Variants in LPAR1 observed in about 807,000 individuals in gnomAD.
LPAR1 encodes the protein lysophosphatidic acid receptor 1.
A neutral mutation model predicts 23.8 loss-of-function variants in LPAR1; 5 were observed. The ratio of observed to expected loss-of-function variants is 0.21; its 90% CI spans 0.11 to 0.44. The LOEUF (loss-of-function observed/expected upper bound fraction) is 0.44, where lower values mean the gene tolerates loss of function less well. LPAR1 is among the 20% of genes least tolerant of loss of function. The pLI is 0.99. For synonymous variants in LPAR1, 160 were observed against 164.7 expected, an observed-to-expected ratio of 0.97 and a Z score of 0.22; for missense variants, 311 against 482.8, an observed-to-expected ratio of 0.64 and a Z score of 3.33.
chr9:110,897,961 G>T (rs983890203), intron 5 of LPAR1, among the ~76,000 whole-genome samples: 1 of 152,080 alleles, frequency 6.6e-6, no homozygotes, highest in Non-Finnish European at 1.5e-5. Context: ...GAGGAAGGAA[G>T]AAAATATTTA....
At chr9:110,982,232 A>C (rs9695612) in intron 2 of LPAR1, among the ~76,000 whole-genome samples, 109,010 of 152,050 alleles carry the variant, frequency 0.72, 39,777 homozygotes, top group African/African-American at 0.82. Flanking sequence ...ACCCAAATGC[A>C]CATCAAATGA....
intron 2 of LPAR1, among the ~76,000 whole-genome samples, chr9:111,032,080 A>G (rs1443204538): frequency 6.6e-6 from 1 of 152,190 alleles, no homozygotes; most frequent in African/African-American, 2.4e-5. Context: ...ACAAATGCCT[A>G]CTGAATATGG....
intron 2 of LPAR1, among the ~76,000 whole-genome samples, chr9:110,974,940 C>A (rs1212014818): frequency 6.6e-6 from 1 of 152,144 alleles, no homozygotes; most frequent in African/African-American, 2.4e-5. Flanking sequence ...TTTCCTTTCT[C>A]CTTCTCATGT....
intron 4 of LPAR1, among the ~76,000 whole-genome samples, chr9:110,962,658 T>C (rs1180882440): frequency 6.6e-6 from 1 of 152,168 alleles, no homozygotes; most frequent in Non-Finnish European, 1.5e-5. Context: ...GGCCCTCTAA[T>C]AAACATATTC....
At chr9:110,959,689 T>C (rs904459009) in intron 4 of LPAR1, among the ~76,000 whole-genome samples, 1 of 152,126 alleles carries the variant, frequency 6.6e-6, no homozygotes, top group African/African-American at 2.4e-5. Context: ...AAAGGATACC[T>C]GCATTCATGT....
chr9:111,003,345 A>C (rs2097162548), intron 2 of LPAR1, among the ~76,000 whole-genome samples: 1 of 152,176 alleles, frequency 6.6e-6, no homozygotes, highest in African/African-American at 2.4e-5. Flanking sequence ...GGTAAGACAG[A>C]GTCAACACAT....
At chr9:110,905,811 T>G (rs2091046840) in intron 5 of LPAR1, among the ~76,000 whole-genome samples, 1 of 152,226 alleles carries the variant, frequency 6.6e-6, no homozygotes, top group Non-Finnish European at 1.5e-5. Flanking sequence ...CCTAGACAGA[T>G]AGTGGTGAAC....
At chr9:110,966,483 A>G (rs1442868927) in intron 4 of LPAR1, among the ~76,000 whole-genome samples, 1 of 149,288 alleles carries the variant, frequency 6.7e-6, no homozygotes, top group Non-Finnish European at 1.5e-5. Flanking sequence ...CATCTCAAGA[A>G]AAAAAAAAAA....
chr9:110,948,962 G>A (rs1389423984), intron 4 of LPAR1, among the ~76,000 whole-genome samples: 1 of 151,646 alleles, frequency 6.6e-6, no homozygotes, highest in Non-Finnish European at 1.5e-5. Flanking sequence ...GAACAAGGAA[G>A]TTTTGTCAAG....
intron 5 of LPAR1, among the ~76,000 whole-genome samples, chr9:110,902,381 C>A (rs948596329): frequency 6.6e-6 from 1 of 152,106 alleles, no homozygotes; most frequent in Non-Finnish European, 1.5e-5. Flanking sequence ...TACCCTCATG[C>A]TGTTCTTGTG....
chr9:110,881,145 T>G (rs1317161151), intron 5 of LPAR1, among the ~76,000 whole-genome samples: 3 of 152,204 alleles, frequency 2.0e-5, no homozygotes, highest in African/African-American at 7.2e-5. Context: ...CTCCACAGTA[T>G]TATTGTTCTA....
At position 110,892,767 on chromosome 9, in the gene LPAR1, GGGAAGGAA is replaced by G. The variant is rs757546909; in HGVS notation, c.794-17053_794-17046del. Reference sequence around the variant, plus strand: ...AAGAGGGAGGGAGGAAGGGGAGGAAGGGAAGGAAGGAAGGAAGGAAGGAAGGAAGGAAG... The same window carrying G: ...AAGAGGGAGGGAGGAAGGGGAGGAAGGGAAGGAAGGAAGGAAGGAAGGAAG... On this transcript the variant is annotated intron_variant, in intron 5 of 5. Coordinates refer to ENST00000683809, the MANE Select transcript of LPAR1 (RefSeq NM_001351411.2). Among the ~76,000 whole-genome samples, 689 of 97,308 alleles carry G rather than the reference GGGAAGGAA, an allele frequency of 7.1e-3. 19 individuals carry two copies. Among genetic ancestry groups the G allele is most frequent in the East Asian group, 0.028 (89 of 3,222 alleles). The allele number at this position is 97,308 out of a possible 152,430, so 63.8% of individuals were successfully genotyped here.
intron 5 of LPAR1, among the ~76,000 whole-genome samples, chr9:110,920,249 TG>T (rs1052746052): frequency 1.3e-5 from 2 of 152,102 alleles, no homozygotes; most frequent in Non-Finnish European, 2.9e-5. Context: ...AAGTAGAGAA[TG>T]GGGGGAAGGG....
intron 2 of LPAR1, among the ~76,000 whole-genome samples, chr9:111,015,018 A>T (rs957238217): frequency 6.6e-6 from 1 of 152,120 alleles, no homozygotes; most frequent in African/African-American, 2.4e-5. Context: ...TAGGGTCCTT[A>T]TAAGAGGAAG....
intron 5 of LPAR1, among the ~76,000 whole-genome samples, chr9:110,926,776 T>A (rs1273049680): frequency 6.6e-6 from 1 of 151,944 alleles, no homozygotes; most frequent in Non-Finnish European, 1.5e-5. Context: ...CAAACTCACA[T>A]GCCTGGGGCA....
chr9:110,946,005 G>A (rs548703014), intron 4 of LPAR1, among the ~76,000 whole-genome samples: 1 of 152,290 alleles, frequency 6.6e-6, no homozygotes, highest in South Asian at 2.1e-4. Flanking sequence ...CACAGGCTCT[G>A]AGGATTAAGT....
intron 1 of LPAR1, among the ~76,000 whole-genome samples, chr9:111,036,586 ACCCCTT>A (rs1403139220): frequency 6.6e-6 from 1 of 151,732 alleles, no homozygotes; most frequent in African/African-American, 2.4e-5. Flanking sequence ...ACGATCACCA[ACCCCTT>A]CCATTTTCCG....
intron 2 of LPAR1, among the ~76,000 whole-genome samples, chr9:110,996,298 T>C (rs1458601016): frequency 6.6e-6 from 1 of 152,154 alleles, no homozygotes; most frequent in East Asian, 1.9e-4. Flanking sequence ...GGCTCAAGCC[T>C]GTAACTCCAA....
At chr9:111,009,080 A>G (rs532562675) in intron 2 of LPAR1, among the ~76,000 whole-genome samples, 1 of 152,354 alleles carries the variant, frequency 6.6e-6, no homozygotes, top group Admixed American at 6.5e-5. Flanking sequence ...ACTATAAAAT[A>G]AAAATGTTTA....
Sources: gnomAD v4.1 joint callset for allele counts (sites outside exome capture counted in the v4.1 genomes callset) on GRCh38, gnomAD v4.1.1 for gene constraint, MANE v1.5 for transcripts, NCBI Gene and HGNC (gene_info 2026-07-23, HGNC 2026-07-21) for gene names.